Variants in MACROD2 observed in about 807,000 individuals in gnomAD.
The protein encoded by MACROD2 is ADP-ribose glycohydrolase MACROD2.
Under a neutral mutation model 70.4 loss-of-function variants are expected in MACROD2, and 36 were observed. That is an observed-to-expected ratio of 0.51 (90% CI 0.39 to 0.68). MACROD2 has a LOEUF of 0.68. MACROD2 is among the 30% of genes least tolerant of loss of function. MACROD2 has a pLI of 0.00. For synonymous variants in MACROD2, 172 were observed against 178.8 expected (o/e 0.96, Z 0.30); for missense variants, 496 against 538.4 (o/e 0.92, Z 0.78).
intron 5 of MACROD2, among the ~76,000 whole-genome samples, chr20:15,137,200 C>T (rs896780303): frequency 2.0e-5 from 3 of 150,284 alleles, no homozygotes; most frequent in Non-Finnish European, 4.5e-5. Flanking sequence ...CCAGCCATCC[C>T]ATTACTGGGT....
At chr20:15,641,906 G>GA (rs775761359) in intron 8 of MACROD2, among the ~76,000 whole-genome samples, 6 of 152,054 alleles carry the variant, frequency 3.9e-5, no homozygotes, top group African/African-American at 7.2e-5. Context: ...AAATCAGTGT[G>GA]AACCATGAAA....
intron 7 of MACROD2, among the ~76,000 whole-genome samples, chr20:15,476,675 C>A (rs11906165): frequency 0.019 from 2,934 of 152,064 alleles, 80 homozygotes; most frequent in African/African-American, 0.067. Context: ...AATAACTATT[C>A]ATTCAATTGG....
At chr20:14,208,948 A>G (rs1172386914) in intron 3 of MACROD2, among the ~76,000 whole-genome samples, 5 of 152,214 alleles carry the variant, frequency 3.3e-5, no homozygotes, top group Admixed American at 2.6e-4. Context: ...TTTTTAAAAG[A>G]CAGTTTTCTC....
chr20:15,142,840 C>T (rs1378326534), intron 5 of MACROD2, among the ~76,000 whole-genome samples: 1 of 152,120 alleles, frequency 6.6e-6, no homozygotes, highest in Admixed American at 6.6e-5. Flanking sequence ...ACGACATGAA[C>T]TCATCATTTT....
At chr20:14,846,561 A>T (rs1306142375) in intron 5 of MACROD2, among the ~76,000 whole-genome samples, 1 of 150,044 alleles carries the variant, frequency 6.7e-6, no homozygotes, top group Non-Finnish European at 1.5e-5. Flanking sequence ...TCTCTCACCC[A>T]GGCTGGAGTA....
At chr20:15,330,609 GA>G (rs2077981683) in intron 6 of MACROD2, among the ~76,000 whole-genome samples, 1 of 151,540 alleles carries the variant, frequency 6.6e-6, no homozygotes, top group Non-Finnish European at 1.5e-5. Context: ...AACCCAAACT[GA>G]TGTTAGATGA....
At chr20:15,606,308 G>A (rs1356464605) in intron 8 of MACROD2, among the ~76,000 whole-genome samples, 1 of 152,130 alleles carries the variant, frequency 6.6e-6, no homozygotes, top group African/African-American at 2.4e-5. Flanking sequence ...TGATTCAGAC[G>A]CTAGGCTTCT....
intron 5 of MACROD2, among the ~76,000 whole-genome samples, chr20:14,868,473 T>C (rs2073452302): frequency 6.6e-6 from 1 of 151,986 alleles, no homozygotes; most frequent in Admixed American, 6.6e-5. Context: ...GCCTCCCATG[T>C]CTCCTGTTCC....
chr20:14,839,131 A>C (rs928746802), intron 5 of MACROD2, among the ~76,000 whole-genome samples: 2 of 152,008 alleles, frequency 1.3e-5, no homozygotes, highest in Non-Finnish European at 2.9e-5. Context: ...TGTGACTCCA[A>C]GTTGTGAGGG....
At chr20:15,659,813 G>A (rs1384420313) in intron 8 of MACROD2, among the ~76,000 whole-genome samples, 2 of 152,176 alleles carry the variant, frequency 1.3e-5, no homozygotes, top group African/African-American at 4.8e-5. Flanking sequence ...GAATCAAAAT[G>A]TGATGGAGAA....
intron 8 of MACROD2, among the ~76,000 whole-genome samples, chr20:15,787,180 CA>C (rs951550216): frequency 2.8e-4 from 43 of 152,262 alleles, no homozygotes; most frequent in African/African-American, 1.0e-3. Flanking sequence ...CCATGCTGGC[CA>C]AGCTGGTCTC....
At chr20:15,035,583 C>T (rs1244075820) in intron 5 of MACROD2, among the ~76,000 whole-genome samples, 2 of 152,110 alleles carry the variant, frequency 1.3e-5, no homozygotes, top group Admixed American at 6.5e-5. Context: ...GCAATCAGTG[C>T]CATTCTTTAT....
intron 8 of MACROD2, among the ~76,000 whole-genome samples, chr20:15,555,169 G>A (rs2048149802): frequency 6.6e-6 from 1 of 152,162 alleles, no homozygotes. Flanking sequence ...GTGAGAGGCG[G>A]CCAGGGGTGG....
At chr20:14,691,229 T>G (rs1055452626) in intron 5 of MACROD2, among the ~76,000 whole-genome samples, 3 of 152,192 alleles carry the variant, frequency 2.0e-5, no homozygotes, top group African/African-American at 7.2e-5. Context: ...TCTTCCCTTT[T>G]TATAAAGTAA....
intron 7 of MACROD2, among the ~76,000 whole-genome samples, chr20:15,490,631 C>T (rs781224891): frequency 2.6e-5 from 4 of 151,936 alleles, no homozygotes; most frequent in East Asian, 1.9e-4. Flanking sequence ...GTCATGGGGG[C>T]GACGAAGTCC....
chr20:14,581,553 G>A (rs1320892784), intron 4 of MACROD2, among the ~76,000 whole-genome samples: 1 of 152,062 alleles, frequency 6.6e-6, no homozygotes, highest in Non-Finnish European at 1.5e-5. Context: ...TTGGACTAAG[G>A]AGCATTATAA....
chr20:15,676,175 CTCTT>C (rs2050054607), intron 8 of MACROD2, among the ~76,000 whole-genome samples: 1 of 152,024 alleles, frequency 6.6e-6, no homozygotes, highest in Non-Finnish European at 1.5e-5. Context: ...CAATTTTTTG[CTCTT>C]TCTTTATTAA....
chr20:15,909,332 T>C (rs1383600645), intron 10 of MACROD2, among the ~76,000 whole-genome samples: 5 of 152,068 alleles, frequency 3.3e-5, no homozygotes, highest in Non-Finnish European at 5.9e-5. Context: ...CCACATTCTA[T>C]TGGTTGAGGT....
chr20:14,170,908 A>G lies in MACROD2; in HGVS notation c.271+85180A>G, dbSNP rs536508090. Among the ~76,000 whole-genome samples the G allele has an allele frequency of 1.8e-4, 28 of 152,270 alleles. No homozygotes were observed. The South Asian group carries it at 4.4e-3, about 24-fold the overall frequency. The stretch of plus-strand genomic sequence containing the variant: ...CTCTTTATCTTGTGAAGTAGTGTCA[A>G]TAGGATTGGTATCAATTCTTCTTTG... On this transcript the variant is annotated intron_variant, in intron 3 of 17. Coordinates refer to ENST00000684519, the MANE Select transcript of MACROD2 (RefSeq NM_001351661.2).
Sources: gnomAD v4.1 joint callset for allele counts (sites outside exome capture counted in the v4.1 genomes callset) on GRCh38, gnomAD v4.1.1 for gene constraint, MANE v1.5 for transcripts, NCBI Gene and HGNC (gene_info 2026-07-23, HGNC 2026-07-21) for gene names.